Variants in CTDP1 observed in about 807,000 individuals in gnomAD.
CTDP1 encodes the protein RNA polymerase II subunit A C-terminal domain phosphatase.
CTDP1 carries 47 observed loss-of-function variants against 91.8 expected under a neutral mutation model. The ratio of observed to expected loss-of-function variants is 0.51; its 90% CI spans 0.41 to 0.65. The LOEUF is 0.65. Ranked by LOEUF, CTDP1 falls within the 30% of genes least tolerant of loss-of-function variation. The pLI, the probability that CTDP1 is intolerant of heterozygous loss-of-function variation, is 0.00. For synonymous variants in CTDP1, 656 were observed against 598.5 expected, an observed-to-expected ratio of 1.10 and a Z score of -1.40; for missense variants, 1,272 against 1,373.7, an observed-to-expected ratio of 0.93 and a Z score of 1.17.
chr18:79,720,118 G>T (rs1172278727), intron 10 of CTDP1, among the ~76,000 whole-genome samples: 1 of 144,308 alleles, frequency 6.9e-6, no homozygotes, highest in Admixed American at 7.0e-5. Context: ...CATTAGGAAG[G>T]CATCCTGGTG....
chr18:79,715,061 A>G lies in CTDP1; in HGVS notation c.1601A>G (p.Glu534Gly). Residue 534 changes from glutamate to glycine, a missense_variant, in exon 8 of 13, where the codon GAG (glutamate) becomes GGG (glycine). By Grantham distance (98) the Glu-to-Gly change is moderately conservative. Coordinates refer to ENST00000613122, the MANE Select transcript of CTDP1 (RefSeq NM_004715.5). ...AAGGAGCCTGAGCTGGGTGGGCAGG[A>G]GGAGGGCGAGCGGGATGGCCTCTGC... is the stretch of plus-strand genomic sequence containing the variant. The part of the protein sequence containing the change: ...PDKEPELGGQ[E>G]EGERDGLCGL... The G allele has an allele frequency of 6.2e-7, 1 of 1,611,564 alleles. No homozygotes were observed. The highest frequency in any genetic ancestry group is 1.7e-4 in the Middle Eastern group (1 of 6,058).
chr18:79,717,839 G>A lies in CTDP1; in HGVS notation c.2240G>A (p.Arg747Gln), dbSNP rs200603501. The A allele has an allele frequency of 2.7e-5, 43 of 1,613,514 alleles. No individual in the cohort carries two copies. Among genetic ancestry groups the A allele is most frequent in the South Asian group, 5.5e-5 (5 of 91,086 alleles). ...AACAGCCCTGCGGCCTTTCCCGACC[G>A]GGAGGGTGTGCCCCCCACCGCCTTG... ...RENSPAAFPD[R>Q]EGVPPTALFH... Residue 747 changes from arginine (R) to glutamine (Q), a missense_variant, in exon 10 of 13, where the codon CGG becomes CAG. Transcript: ENST00000613122.
At chr18:79,718,085 G>C (rs569753051) in intron 10 of CTDP1, 69 bp downstream of exon 10, 12 of 1,570,486 alleles carry the variant, frequency 7.6e-6, no homozygotes, top group East Asian at 2.3e-5. Flanking sequence ...CAGTCTGTTG[G>C]GGGGATGGCG....
chr18:79,715,180 C>A lies in CTDP1; in HGVS notation c.1720C>A (p.Gln574Lys). Residue 574 changes from glutamine to lysine, a missense_variant, in exon 8 of 13, where the codon CAG becomes AAG. By Grantham distance (53) the Gln-to-Lys change is moderately conservative. This residue lies in a region of CTDP1 where 881 missense variants were observed against 911.6 expected (regional missense o/e 0.97). Transcript: ENST00000613122. ...GGTCACTGCGGGTGAGTCCCTGGAC[C>A]AGAGCATGGAGGAGGAGGAGGAGGA... ...SGVTAGESLDQSMEEEEEEDT... is the reference protein window; with the variant it reads ...SGVTAGESLDKSMEEEEEEDT... 1.2e-6 allele frequency: 2 copies of A among 1,612,870 alleles called. No individual in the cohort carries two copies. The highest frequency in any genetic ancestry group is 1.7e-6 in the Non-Finnish European group (2 of 1,179,762).
intron 12 of CTDP1, among the ~76,000 whole-genome samples, chr18:79,742,144 GGTGGAGGCCTGGGGGCAGC>G (rs1568217156): frequency 0.011 from 113 of 9,916 alleles, 1 homozygote; most frequent in African/African-American, 0.015. Flanking sequence ...GGAGGCATGA[GGTGGAGGCCTGGGGGCAGC>G]AGAGGAAGCA....
chr18:79,687,780 C>T (rs2085535691), intron 1 of CTDP1, among the ~76,000 whole-genome samples: 1 of 152,248 alleles, frequency 6.6e-6, no homozygotes, highest in Admixed American at 6.5e-5. Context: ...AGGCTGGAAG[C>T]ATTTGACACC....
intron 11 of CTDP1, among the ~76,000 whole-genome samples, chr18:79,734,858 T>C (rs946143413): frequency 6.6e-6 from 1 of 152,246 alleles, no homozygotes; most frequent in African/African-American, 2.4e-5. Context: ...GATGCTCTTA[T>C]TAAATACCAT....
At position 79,717,516 on chromosome 18, in the gene CTDP1, G is replaced by C; in HGVS notation, c.2069-19G>C. 1 of 1,611,590 alleles carries C rather than the reference G, an allele frequency of 6.2e-7. No individual in the cohort carries two copies. The highest frequency in any genetic ancestry group is 8.5e-7 in the Non-Finnish European group (1 of 1,179,754). On this transcript the variant is annotated intron_variant, in intron 8 of 12. Coordinates refer to ENST00000613122, the MANE Select transcript of CTDP1 (RefSeq NM_004715.5). The stretch of plus-strand genomic sequence containing the variant: ...CCAGTGCTGGCCGGAACAGCCTGAC[G>C]CAGCCGGGTCTCCTGCAGGCACAGA...
intron 12 of CTDP1, among the ~76,000 whole-genome samples, chr18:79,742,862 G>A (rs942031388): frequency 2.0e-5 from 3 of 152,214 alleles, no homozygotes; most frequent in African/African-American, 7.2e-5. Flanking sequence ...GGAGGCTGAG[G>A]CACAAGAATC....
chr18:79,733,655 C>T (rs933242654), intron 11 of CTDP1, among the ~76,000 whole-genome samples: 1 of 152,174 alleles, frequency 6.6e-6, no homozygotes, highest in Non-Finnish European at 1.5e-5. Context: ...GCTGCGTTAC[C>T]TCGTTTCAGC....
intron 11 of CTDP1, 168 bp from the exon 12 acceptor site, chr18:79,736,187 T>G: frequency 1.2e-6 from 1 of 825,230 alleles, no homozygotes; most frequent in Non-Finnish European, 2.0e-6. Context: ...CGGGGCTTTG[T>G]TAAGGATTGG....
chr18:79,695,011 G>A (rs1055474872), intron 1 of CTDP1, among the ~76,000 whole-genome samples: 11 of 152,158 alleles, frequency 7.2e-5, no homozygotes, highest in South Asian at 2.1e-4. Flanking sequence ...GTGTGGTGGC[G>A]TGTCATTTTT....
At position 79,718,024 on chromosome 18, in the gene CTDP1, G is replaced by A; in HGVS notation, c.2417+8G>A. Reference sequence around the variant, plus strand: ...GGAGCCCTCTTCCTTCAGGTACGTGGCGGCCCAGCCACTGTCCCCAGCTAA... The same window carrying A: ...GGAGCCCTCTTCCTTCAGGTACGTGACGGCCCAGCCACTGTCCCCAGCTAA... On this transcript the variant is annotated splice_region_variant and intron_variant, in intron 10 of 12. Transcript: ENST00000613122. 6.2e-7 allele frequency: 1 copy of A among 1,612,650 alleles called. No homozygotes were observed.
chr18:79,748,738 A>G (rs2086931178), intron 12 of CTDP1, among the ~76,000 whole-genome samples: 1 of 152,186 alleles, frequency 6.6e-6, no homozygotes, highest in African/African-American at 2.4e-5. Flanking sequence ...CTCACACAAC[A>G]GCGACAGAGT....
chr18:79,686,417 A>T lies in CTDP1; in HGVS notation c.314+6156A>T, dbSNP rs7230702. Reference sequence around the variant, plus strand: ...TGCTTTTTATATTTTCAGGAGAAAGAGAATGTAGAGAGAATGGAACTGATG... The same window carrying T: ...TGCTTTTTATATTTTCAGGAGAAAGTGAATGTAGAGAGAATGGAACTGATG... On this transcript the variant is annotated intron_variant, in intron 1 of 12. Coordinates refer to ENST00000613122, the MANE Select transcript of CTDP1 (RefSeq NM_004715.5). 3.7e-3 allele frequency among the ~76,000 whole-genome samples: 565 copies of T among 152,358 alleles called. 7 individuals are homozygous for T. Among genetic ancestry groups the T allele is most frequent in the African/African-American group, 0.013 (532 of 41,582 alleles).
chr18:79,717,964 C>G lies in CTDP1; in HGVS notation c.2365C>G (p.Pro789Ala). ...GCTCATCAGGACGGGCGCCCGGGGGCCCCCAGCACCCTCCAGCTCCCTACC... is the reference window on the plus strand; with the variant it reads ...GCTCATCAGGACGGGCGCCCGGGGGGCCCCAGCACCCTCCAGCTCCCTACC... The part of the protein sequence containing the change: ...GKLIRTGARG[P>A]PAPSSSLPIR... The change falls in exon 10 of 13, where the codon CCC becomes GCC. Residue 789 changes from proline (P) to alanine (A), a missense_variant. By Grantham distance (27) the Pro-to-Ala change is conservative (BLOSUM62 -1). Coordinates refer to ENST00000613122, the MANE Select transcript of CTDP1 (RefSeq NM_004715.5). 1 of 1,613,322 alleles carries G rather than the reference C, an allele frequency of 6.2e-7. No homozygotes were observed.
intron 11 of CTDP1, among the ~76,000 whole-genome samples, chr18:79,730,743 A>G (rs1051259767): frequency 4.6e-5 from 7 of 152,018 alleles, no homozygotes; most frequent in Non-Finnish European, 1.0e-4. Flanking sequence ...CAGGCAGGAG[A>G]AGGGGTCAGA....
At chr18:79,706,179 C>T (rs2085963598) in intron 5 of CTDP1, among the ~76,000 whole-genome samples, 1 of 152,234 alleles carries the variant, frequency 6.6e-6, no homozygotes, top group Non-Finnish European at 1.5e-5. Context: ...AGCCGGCGCC[C>T]ACTGACCTGC....
chr18:79,689,842 T>C (rs2085583465), intron 1 of CTDP1, among the ~76,000 whole-genome samples: 1 of 152,178 alleles, frequency 6.6e-6, no homozygotes, highest in Admixed American at 6.5e-5. Flanking sequence ...TGGCTTATAA[T>C]CTGTTATTGT....
Sources: allele counts gnomAD v4.1 joint callset (sites outside exome capture counted in the v4.1 genomes callset), GRCh38; gene constraint gnomAD v4.1.1; regional missense constraint gnomAD v4.1.1; transcripts MANE v1.5; gene names NCBI Gene and HGNC (gene_info 2026-07-23, HGNC 2026-07-21).